Variants in KIF1A observed in about 807,000 individuals in gnomAD.
KIF1A encodes the protein kinesin-like protein KIF1A.
In KIF1A, 46 loss-of-function variants were observed where a neutral mutation model predicts 227.3. That is an observed-to-expected ratio of 0.20 (90% CI 0.16 to 0.26). KIF1A has a LOEUF of 0.26. KIF1A is among the 10% of genes least tolerant of loss of function. The pLI, the probability that KIF1A is intolerant of heterozygous loss-of-function variation, is 1.00. For missense variants in KIF1A, 1,683 were observed against 2,485.9 expected (o/e 0.68, Z 6.87); for synonymous variants, 1,022 against 1,012.8 (o/e 1.01, Z -0.17).
At chr2:240,781,981 G>T in intron 10 of KIF1A, 7 of 985,436 alleles carry the variant, frequency 7.1e-6, no homozygotes, top group Non-Finnish European at 8.4e-6. Flanking sequence ...GCGTTTCCCA[G>T]TGAGCACCTC....
intron 1 of KIF1A, among the ~76,000 whole-genome samples, chr2:240,819,538 C>T (rs1234900405): frequency 6.6e-6 from 1 of 151,716 alleles, no homozygotes; most frequent in Non-Finnish European, 1.5e-5. Context: ...GTTTTGCTCC[C>T]GGCTCCAGCA....
chr2:240,769,593 C>T (rs939546317), intron 16 of KIF1A, 34 bp downstream of exon 16: 2 of 1,584,316 alleles, frequency 1.3e-6, no homozygotes, highest in African/African-American at 2.7e-5. Context: ...TGGCTGCACC[C>T]CTCCCCCTGG....
At chr2:240,728,406 T>A (rs1311741192) in intron 38 of KIF1A, 106 of 1,302,748 alleles carry the variant, frequency 8.1e-5, no homozygotes, top group Non-Finnish European at 1.1e-4. Flanking sequence ...CATTTCCCAA[T>A]GAAACGCTAA....
chr2:240,806,074 A>G (rs1204396401), intron 1 of KIF1A, among the ~76,000 whole-genome samples: 1 of 152,252 alleles, frequency 6.6e-6, no homozygotes, highest in African/African-American at 2.4e-5. Flanking sequence ...TAGGCAGTGC[A>G]GGACTGTGAT....
chr2:240,722,405 G>A (rs1304305411), intron 43 of KIF1A, 51 bp downstream of exon 43: 4 of 1,513,498 alleles, frequency 2.6e-6, no homozygotes, highest in African/African-American at 2.8e-5. Context: ...AATGACTCAG[G>A]GCCCTTGAGG....
chr2:240,781,959 C>T lies in KIF1A; in HGVS notation c.882+631G>A, dbSNP rs186341876. ...TTCTCTGTCCCCACACAGCCACCGC[C>T]GAGTTCCCTGTGCGTTTCCCAGTGA... On this transcript the variant is annotated intron_variant, in intron 10 of 48. Coordinates refer to ENST00000498729, the MANE Select transcript of KIF1A (RefSeq NM_001244008.2). 13 of 985,442 alleles carry T rather than the reference C, an allele frequency of 1.3e-5. No individual in the cohort carries two copies. The South Asian group carries it at 3.3e-4, about 25-fold the overall frequency. 61.0% of individuals were successfully genotyped at this position (985,442 alleles called of 1,614,324 possible).
In KIF1A at chr2:240,769,131, AC is replaced by A; in HGVS notation, c.1497+1del. 6.2e-7 allele frequency: 1 copy of A among 1,607,708 alleles called. No individual in the cohort carries two copies. The highest frequency in any genetic ancestry group is 8.5e-7 in the Non-Finnish European group (1 of 1,177,258). ...GTACCACAGAACTGAGATAGCTCCT[AC>A]CTTTTTGGGAGAGAATACGCCCAAG... On this transcript the variant is annotated splice_donor_variant, in intron 17 of 48. Coordinates refer to ENST00000498729, the MANE Select transcript of KIF1A (RefSeq NM_001244008.2). LOFTEE classifies it high-confidence loss of function.
chr2:240,778,748 C>A lies in KIF1A; in HGVS notation c.883-2822G>T, dbSNP rs1330714679. 2.0e-5 allele frequency among the ~76,000 whole-genome samples: 3 copies of A among 151,868 alleles called. No homozygotes were observed. Among genetic ancestry groups the A allele is most frequent in the Admixed American group, 1.3e-4 (2 of 15,254 alleles). ...CGACAACCCCTCGCACACGTCTCTG[C>A]AGCTTTCCTCACGATTCTGCGCACC... On this transcript the variant is annotated intron_variant, in intron 10 of 48. Coordinates refer to ENST00000498729, the MANE Select transcript of KIF1A (RefSeq NM_001244008.2). This position sits in a 1 kb window ranked among gnomAD's most constrained non-coding sequence, Gnocchi z 7.2.
At chr2:240,809,613 T>C (rs2057701957) in intron 1 of KIF1A, among the ~76,000 whole-genome samples, 1 of 151,868 alleles carries the variant, frequency 6.6e-6, no homozygotes, top group Non-Finnish European at 1.5e-5. Flanking sequence ...TAACAAAAAA[T>C]GTTTTGGAAG....
chr2:240,735,929 G>A (rs2047264150), intron 38 of KIF1A, among the ~76,000 whole-genome samples: 1 of 151,992 alleles, frequency 6.6e-6, no homozygotes, highest in African/African-American at 2.4e-5. Context: ...CCACAGGCAG[G>A]GCTGGGACCA....
chr2:240,717,516 GT>G, intron 48 of KIF1A, 110 bp from the exon 49 acceptor site: 1 of 934,098 alleles, frequency 1.1e-6, no homozygotes, highest in South Asian at 1.5e-5. Flanking sequence ...CAGACCCCAT[GT>G]CCCCGCTGGT....
rs2053128241 is a variant in KIF1A at position 240,778,812 on chromosome 2, A to G, written c.883-2886T>C. Among the ~76,000 whole-genome samples the G allele has an allele frequency of 6.6e-6, 1 of 151,368 alleles. No homozygotes were observed. The highest frequency in any genetic ancestry group is 2.4e-5 in the African/African-American group (1 of 41,110). The stretch of plus-strand genomic sequence containing the variant: ...TTCCTCACCGCTCCCCACGTTTCCC[A>G]AACAGCTCCTCCCGCCATGGCTCAC... On this transcript the variant is annotated intron_variant, in intron 10 of 48. Transcript: ENST00000498729. The surrounding 1 kb of genome is among the most constrained non-coding windows in gnomAD (Gnocchi z 7.2).
rs746313347 is a variant in KIF1A, at chr2:240,761,346, C to T, written c.2148G>A (p.Ala716=). The change falls in exon 24 of 49, where the codon GCG becomes GCA. Residue 716 remains alanine (A), a synonymous_variant. Transcript: ENST00000498729. ...VQWTERECEL[A]LWAFRKWKWY... Reference sequence around the variant, plus strand: ...ACTTCCACTTCCGGAAGGCCCAGAGCGCCAGCTCACACTCCCGCTCTGTCC... The same window carrying T: ...ACTTCCACTTCCGGAAGGCCCAGAGTGCCAGCTCACACTCCCGCTCTGTCC... 34 of 1,613,018 alleles carry T rather than the reference C, an allele frequency of 2.1e-5. 1 individual carries two copies. The highest frequency in any genetic ancestry group is 7.7e-5 in the South Asian group (7 of 90,994).
At chr2:240,811,623 G>T (rs74000007) in intron 1 of KIF1A, among the ~76,000 whole-genome samples, 1 of 152,116 alleles carries the variant, frequency 6.6e-6, no homozygotes, top group East Asian at 1.9e-4. Flanking sequence ...GACAGAGAGG[G>T]GCACCTCTGG....
At chr2:240,807,432 C>T (rs1274689813) in intron 1 of KIF1A, among the ~76,000 whole-genome samples, 2 of 152,104 alleles carry the variant, frequency 1.3e-5, no homozygotes, top group South Asian at 2.1e-4. Flanking sequence ...CATGAGCCAC[C>T]GCACCCAGCC....
intron 14 of KIF1A, 149 bp downstream of exon 14, chr2:240,772,421 G>T (rs1402071107): frequency 1.2e-5 from 8 of 663,580 alleles, no homozygotes; most frequent in African/African-American, 3.6e-5. Context: ...CTGTGGCTGA[G>T]GGAGAGCAGT....
At chr2:240,783,859 G>A (rs777435360) in intron 7 of KIF1A, 43 bp from the exon 8 acceptor site, 3 of 1,447,376 alleles carry the variant, frequency 2.1e-6, no homozygotes, top group Non-Finnish European at 2.9e-6. Context: ...GCCACAAGAT[G>A]CGCGGGGGCA....
intron 38 of KIF1A, among the ~76,000 whole-genome samples, chr2:240,735,221 T>A (rs2047188828): frequency 6.6e-6 from 1 of 152,166 alleles, no homozygotes; most frequent in Non-Finnish European, 1.5e-5. Context: ...GCAACGCGCC[T>A]TCCTCCTTTC....
intron 5 of KIF1A, among the ~76,000 whole-genome samples, chr2:240,786,820 GT>G (rs2054978869): frequency 1.3e-5 from 2 of 148,272 alleles, no homozygotes; most frequent in Admixed American, 6.6e-5. Context: ...GGACCCCTGA[GT>G]GAGAGGGTGG....
Sources: allele counts gnomAD v4.1 joint callset (sites outside exome capture counted in the v4.1 genomes callset), GRCh38; gene constraint gnomAD v4.1.1; non-coding constraint Gnocchi (gnomAD v3.1); transcripts MANE v1.5; gene names NCBI Gene and HGNC (gene_info 2026-07-23, HGNC 2026-07-21).